Variants in RUBCN observed in about 807,000 individuals in gnomAD.
RUBCN encodes run domain Beclin-1-interacting and cysteine-rich domain-containing protein.
Under a neutral mutation model 113.2 loss-of-function variants are expected in RUBCN, and 74 were observed. That is an observed-to-expected ratio of 0.65 (90% CI 0.54 to 0.79). The LOEUF (loss-of-function observed/expected upper bound fraction) is 0.79, where lower values mean the gene tolerates loss of function less well. Ranked by LOEUF, RUBCN falls within the 30% of genes least tolerant of loss-of-function variation. RUBCN has a pLI of 0.00. For synonymous variants in RUBCN, 480 were observed against 490.0 expected, an observed-to-expected ratio of 0.98 and a Z score of 0.27; for missense variants, 1,109 against 1,251.7, an observed-to-expected ratio of 0.89 and a Z score of 1.72.
In RUBCN at chr3:197,745,627, G is replaced by C. The variant is rs183591390; in HGVS notation, c.-116+3642C>G. Among the ~76,000 whole-genome samples, 722 of 148,004 alleles carry C rather than the reference G, an allele frequency of 4.9e-3. 3 individuals are homozygous for C. The highest frequency in any genetic ancestry group is 8.1e-3 in the Non-Finnish European group (539 of 66,840). On this transcript the variant is annotated intron_variant, in intron 1 of 20. Coordinates refer to the RUBCN transcript ENST00000273582. ...TGAAAATCCATCTCAAAAAAAAAAA[G>C]GCAAATCAAACTGATAAAAAGTTAA... is the stretch of plus-strand genomic sequence containing the variant.
chr3:197,738,569 G>C (rs1350277491), upstream of RUBCN, among the ~76,000 whole-genome samples: 3 of 152,090 alleles, frequency 2.0e-5, no homozygotes, highest in Admixed American at 6.6e-5. Flanking sequence ...TACTCATTGG[G>C]ATTTCTCTTC....
chr3:197,702,065 G>A (rs939747884), intron 5 of RUBCN, among the ~76,000 whole-genome samples: 2 of 152,178 alleles, frequency 1.3e-5, no homozygotes, highest in Admixed American at 6.5e-5. Context: ...CATCTGCACT[G>A]GAATCCTTCC....
At chr3:197,710,979 C>T (rs1276069777) in intron 2 of RUBCN, among the ~76,000 whole-genome samples, 1 of 152,126 alleles carries the variant, frequency 6.6e-6, no homozygotes, top group African/African-American at 2.4e-5. Context: ...GCACATGCCA[C>T]TAAGCCCAGC....
At chr3:197,717,300 C>A (rs1380158784) in intron 2 of RUBCN, among the ~76,000 whole-genome samples, 1 of 151,854 alleles carries the variant, frequency 6.6e-6, no homozygotes, top group Admixed American at 6.6e-5. Context: ...AAAAATTAGC[C>A]GGGCCTGGTG....
At chr3:197,682,657 T>C in intron 13 of RUBCN, 42 bp from the exon 14 acceptor site, 1 of 1,602,800 alleles carries the variant, frequency 6.2e-7, no homozygotes, top group South Asian at 1.1e-5. Flanking sequence ...CGTGTCAGTG[T>C]GCTGCCCGTC....
At chr3:197,699,204 AC>A in intron 7 of RUBCN, 1 of 1,550,636 alleles carries the variant, frequency 6.4e-7, no homozygotes, top group Non-Finnish European at 8.7e-7. Flanking sequence ...GGGATCTTCA[AC>A]TATAATGGTG....
Position 197,749,454 on chromosome 3 carries a change from G to C in RUBCN, c.-301C>G. The stretch of plus-strand genomic sequence containing the variant: ...GATGCGGCAGCTCAGCGCAGCTGTA[G>C]GTGGAGGAGCGTGCCAGGGAGGGGG... On this transcript the variant is annotated 5_prime_UTR_variant, in exon 1 of 21. Coordinates refer to the RUBCN transcript ENST00000273582. 2 of 1,263,826 alleles carry C rather than the reference G, an allele frequency of 1.6e-6. 1 individual carries two copies. 78.3% of individuals were successfully genotyped at this position (1,263,826 alleles called of 1,614,324 possible).
intron 16 of RUBCN, among the ~76,000 whole-genome samples, chr3:197,679,283 GCT>G (rs1306918920): frequency 4.8e-5 from 7 of 147,250 alleles, no homozygotes; most frequent in African/African-American, 2.6e-5. Flanking sequence ...ACTGTCCTAT[GCT>G]CTGACAACTG....
Position 197,671,396 on chromosome 3 carries a change from G to A in RUBCN, c.*3622C>T, listed in dbSNP as rs951990121. On this transcript the variant is annotated 3_prime_UTR_variant, in exon 20 of 20. Transcript: ENST00000296343. The stretch of plus-strand genomic sequence containing the variant: ...TGTATGATCAAGAACACCTGAATTT[G>A]TGTGCTAGTGGCAGAAAAGTAATGA... 3 of 152,190 alleles carry A rather than the reference G, an allele frequency of 2.0e-5. No individual in the cohort carries two copies. Among genetic ancestry groups the A allele is most frequent in the Non-Finnish European group, 4.4e-5 (3 of 68,034 alleles). 9.4% of individuals were successfully genotyped at this position (152,190 alleles called of 1,614,324 possible).
exon 1 of RUBCN, chr3:197,749,464 C>A: frequency 7.9e-7 from 1 of 1,268,716 alleles, no homozygotes; most frequent in South Asian, 1.3e-5. Context: ...GGTGGAGGAG[C>A]GTGCCAGGGA....
At chr3:197,716,457 G>T (rs990808383) in intron 2 of RUBCN, among the ~76,000 whole-genome samples, 3 of 152,162 alleles carry the variant, frequency 2.0e-5, no homozygotes, top group Non-Finnish European at 4.4e-5. Flanking sequence ...TTTCATGCAT[G>T]AAAGTCAGAA....
chr3:197,708,406 G>T (rs906565803), intron 2 of RUBCN, among the ~76,000 whole-genome samples: 3 of 152,004 alleles, frequency 2.0e-5, no homozygotes, highest in Non-Finnish European at 4.4e-5. Flanking sequence ...AAGGTGCTGG[G>T]ATTACAGGCG....
intron 14 of RUBCN, 92 bp downstream of exon 14, chr3:197,682,378 C>G (rs1162151238): frequency 4.8e-6 from 7 of 1,464,874 alleles, no homozygotes; most frequent in Non-Finnish European, 6.6e-6. Context: ...GGAAGGACAG[C>G]TGGAGGCAGG....
At chr3:197,692,026 T>A (rs1447094865) in intron 11 of RUBCN, among the ~76,000 whole-genome samples, 2 of 151,968 alleles carry the variant, frequency 1.3e-5, no homozygotes, top group Non-Finnish European at 2.9e-5. Context: ...GGCAGGCCCC[T>A]AGATAGACAG....
Position 197,681,300 on chromosome 3 carries a change from A to G in RUBCN, c.2259T>C (p.Asn753=). ...GKYFCQCCHE[N]AQMAIPSRVL... is the part of the protein sequence containing the mutation. ...CCCGGCTGGGGATGGCCATCTGGGC[A>G]TTCTCGTGGCAGCACTGGCAGAAGT... The change falls in exon 16 of 20, where the codon AAT becomes AAC. Residue 753 remains asparagine, a synonymous_variant. Coordinates refer to ENST00000296343, the MANE Select transcript of RUBCN (RefSeq NM_014687.4). The surrounding 1 kb of genome is among the most constrained non-coding windows in gnomAD (Gnocchi z 5.5). 2 of 1,614,222 alleles carry G rather than the reference A, an allele frequency of 1.2e-6. No individual in the cohort carries two copies. Among genetic ancestry groups the G allele is most frequent in the Non-Finnish European group, 1.7e-6 (2 of 1,180,032 alleles).
chr3:197,722,724 T>C (rs1580350757), intron 1 of RUBCN, among the ~76,000 whole-genome samples: 2 of 152,198 alleles, frequency 1.3e-5, no homozygotes, highest in East Asian at 3.9e-4. Context: ...TGATATTGAC[T>C]CTTTTCACAA....
intron 18 of RUBCN, chr3:197,676,237 T>G: frequency 5.0e-6 from 5 of 991,304 alleles, no homozygotes; most frequent in Non-Finnish European, 6.0e-6. Flanking sequence ...AGTATTTATT[T>G]TGGTCATAAT....
chr3:197,732,347 T>A (rs1236320100), intron 1 of RUBCN, among the ~76,000 whole-genome samples: 1 of 152,240 alleles, frequency 6.6e-6, no homozygotes, highest in African/African-American at 2.4e-5. Flanking sequence ...CGAGTCTCAC[T>A]CTGTCTCCCA....
Position 197,718,133 on chromosome 3 carries a change from G to A in RUBCN, c.66-3C>T. On this transcript the variant is annotated splice_region_variant and splice_polypyrimidine_tract_variant and intron_variant, in intron 1 of 19. Transcript: ENST00000296343. ...CCAGCAACTGCCAGTGCTCCCTCCTGCAAGGGCATCAGTTACACCAATCGT... is the reference window on the plus strand; with the variant it reads ...CCAGCAACTGCCAGTGCTCCCTCCTACAAGGGCATCAGTTACACCAATCGT... 3.1e-6 allele frequency: 5 copies of A among 1,614,166 alleles called. No homozygotes were observed. The East Asian group carries it at 8.9e-5, about 29-fold the overall frequency.
Sources: gnomAD v4.1 joint callset for allele counts (sites outside exome capture counted in the v4.1 genomes callset) on GRCh38, gnomAD v4.1.1 for gene constraint, Gnocchi (gnomAD v3.1) non-coding constraint, MANE v1.5 for transcripts, NCBI Gene and HGNC (gene_info 2026-07-23, HGNC 2026-07-21) for gene names.